Variants in B3GALT1 observed in about 807,000 individuals in gnomAD.
B3GALT1 encodes beta-1,3-galactosyltransferase 1.
A neutral mutation model predicts 23.2 loss-of-function variants in B3GALT1; 10 were observed. That is an observed-to-expected ratio of 0.43 (90% CI 0.27 to 0.73). The LOEUF is 0.73. Among genes scored for constraint, B3GALT1 ranks in the 30% least tolerant of loss-of-function variants. The probability of loss-of-function intolerance (pLI) is 0.21; values close to 1 mark genes in which losing one functional copy is unlikely to be tolerated. For synonymous variants in B3GALT1, 156 were observed against 141.5 expected (o/e 1.10, Z -0.73); for missense variants, 299 against 405.4 (o/e 0.74, Z 2.25).
In B3GALT1 at chr2:167,869,834, C is replaced by T. The variant is rs150778768; in HGVS notation, c.795C>T (p.Asp265=). 66 of 1,614,096 alleles carry T rather than the reference C, an allele frequency of 4.1e-5. No individual in the cohort carries two copies. The African/African-American group carries it at 6.1e-4, about 15-fold the overall frequency. Reference sequence around the variant, plus strand: ...ACACAAGGCTGCTTCACCTTGAAGACGTATATGTGGGACTGTGTCTTCGAA... The same window carrying T: ...ACACAAGGCTGCTTCACCTTGAAGATGTATATGTGGGACTGTGTCTTCGAA... ...SLHTRLLHLE[D]VYVGLCLRKL... The change falls in exon 5 of 5, where the codon GAC becomes GAT. Residue 265 remains aspartate, a synonymous_variant. Coordinates refer to ENST00000392690, the MANE Select transcript of B3GALT1 (RefSeq NM_020981.4). This position sits in a 1 kb window ranked among gnomAD's most constrained non-coding sequence, Gnocchi z 6.4.
intron 4 of B3GALT1, among the ~76,000 whole-genome samples, chr2:167,825,463 CGTGTGT>C (rs771779416): frequency 7.6e-6 from 1 of 132,296 alleles, no homozygotes; most frequent in African/African-American, 3.2e-5. Context: ...TGTGCGTGCA[CGTGTGT>C]GTGTGTGTTA....
At chr2:167,416,896 C>T (rs1174263100) in intron 1 of B3GALT1, among the ~76,000 whole-genome samples, 4 of 152,170 alleles carry the variant, frequency 2.6e-5, no homozygotes, top group Admixed American at 6.6e-5. Flanking sequence ...TTGCCTCCTC[C>T]TTCCTTTTGG....
intron 2 of B3GALT1, among the ~76,000 whole-genome samples, chr2:167,597,453 G>C (rs527913305): frequency 6.6e-6 from 1 of 152,226 alleles, no homozygotes; most frequent in East Asian, 1.9e-4. Flanking sequence ...TATCCTTCTA[G>C]TTCTCTAATA....
At chr2:167,449,087 T>G (rs1699048915) in intron 1 of B3GALT1, among the ~76,000 whole-genome samples, 1 of 152,194 alleles carries the variant, frequency 6.6e-6, no homozygotes, top group Non-Finnish European at 1.5e-5. Context: ...AGGGCTATTT[T>G]TTTGTTCCAT....
At chr2:167,476,218 A>G (rs1302657530) in intron 1 of B3GALT1, among the ~76,000 whole-genome samples, 2 of 152,202 alleles carry the variant, frequency 1.3e-5, no homozygotes, top group East Asian at 3.9e-4. Flanking sequence ...CACTGTCAAC[A>G]TTCATTAATT....
At chr2:167,501,979 T>C (rs1003891228) in intron 2 of B3GALT1, among the ~76,000 whole-genome samples, 1 of 152,184 alleles carries the variant, frequency 6.6e-6, no homozygotes, top group Non-Finnish European at 1.5e-5. Context: ...GTGAAATAAC[T>C]GTAAATGAAG....
intron 3 of B3GALT1, among the ~76,000 whole-genome samples, chr2:167,812,751 T>C (rs1440013862): frequency 1.3e-5 from 2 of 152,166 alleles, no homozygotes; most frequent in Non-Finnish European, 2.9e-5. Flanking sequence ...TATTTCAGTT[T>C]AAAATCAGGA....
In B3GALT1 at chr2:167,349,226, G is replaced by A. The variant is rs78937630; in HGVS notation, c.-511+55892G>A. On this transcript the variant is annotated intron_variant, in intron 1 of 4. Transcript: ENST00000392690. ...TAAATTGCACTCTGTTCTGAGTAGC[G>A]TGATGAAATTTCCCAGCTCCTCAAT... 9.9e-3 allele frequency among the ~76,000 whole-genome samples: 1,510 copies of A among 152,192 alleles called. 27 individuals are homozygous for A. The highest frequency in any genetic ancestry group is 0.034 in the African/African-American group (1,392 of 41,528).
intron 1 of B3GALT1, among the ~76,000 whole-genome samples, chr2:167,384,738 A>G (rs1697901183): frequency 6.6e-6 from 1 of 152,024 alleles, no homozygotes; most frequent in South Asian, 2.1e-4. Context: ...TATTCCTCTT[A>G]GCATCTGGCC....
At position 167,511,438 on chromosome 2, in the gene B3GALT1, G is replaced by GGAT. The variant is rs543649492; in HGVS notation, c.-410+21163_-410+21165dup. Among the ~76,000 whole-genome samples the GGAT allele has an allele frequency of 2.8e-3, 432 of 152,280 alleles. 3 individuals carry two copies. Among genetic ancestry groups the GGAT allele is most frequent in the African/African-American group, 0.01 (417 of 41,558 alleles). ...CTCTCTCCTGTCACCACGTGAAGAAGGATGTGTTTGCTTCCCTTTTCACCA... is the reference window on the plus strand; with the variant it reads ...CTCTCTCCTGTCACCACGTGAAGAAGGATGATGTGTTTGCTTCCCTTTTCACCA... On this transcript the variant is annotated intron_variant, in intron 2 of 4. Coordinates refer to ENST00000392690, the MANE Select transcript of B3GALT1 (RefSeq NM_020981.4).
At chr2:167,350,425 GT>G (rs1697292100) in intron 1 of B3GALT1, among the ~76,000 whole-genome samples, 1 of 152,144 alleles carries the variant, frequency 6.6e-6, no homozygotes, top group Admixed American at 6.5e-5. Context: ...AAGAAAAATG[GT>G]TTATATATCT....
chr2:167,820,406 A>G (rs892058919), intron 4 of B3GALT1, among the ~76,000 whole-genome samples: 2 of 152,124 alleles, frequency 1.3e-5, no homozygotes, highest in African/African-American at 2.4e-5. Flanking sequence ...ACTTGGGGCT[A>G]TGGGATGTGG....
At chr2:167,547,088 C>T (rs955031339) in intron 2 of B3GALT1, among the ~76,000 whole-genome samples, 3 of 152,146 alleles carry the variant, frequency 2.0e-5, no homozygotes, top group African/African-American at 7.2e-5. Flanking sequence ...TGGCTCAGTC[C>T]CACCACAGCA....
At chr2:167,815,506 A>C (rs1010015432) in intron 3 of B3GALT1, among the ~76,000 whole-genome samples, 4 of 152,218 alleles carry the variant, frequency 2.6e-5, no homozygotes, top group African/African-American at 9.6e-5. Context: ...GACATTAGAG[A>C]TCCACAGTAC....
intron 2 of B3GALT1, among the ~76,000 whole-genome samples, chr2:167,576,744 G>A (rs1684395869): frequency 1.3e-5 from 2 of 151,534 alleles, no homozygotes; most frequent in Non-Finnish European, 3.0e-5. Flanking sequence ...TTCTAAAGGT[G>A]TGTGGTCTCC....
intron 1 of B3GALT1, among the ~76,000 whole-genome samples, chr2:167,392,654 G>C (rs115720051): frequency 6.6e-6 from 1 of 152,040 alleles, no homozygotes; most frequent in Non-Finnish European, 1.5e-5. Context: ...AAGATTACTT[G>C]TCTAATAAAT....
chr2:167,568,767 C>A lies in B3GALT1; in HGVS notation c.-409-78142C>A, dbSNP rs1334979056. Among the ~76,000 whole-genome samples, 3 of 151,578 alleles carry A rather than the reference C, an allele frequency of 2.0e-5. No homozygotes were observed. In the East Asian group the frequency reaches 5.8e-4, roughly 29 times the overall value. ...TCAGTATTTCTTTCATGAATCATGTCTTTGATTTTTTTTTTATCTAAAGAG... is the reference window on the plus strand; with the variant it reads ...TCAGTATTTCTTTCATGAATCATGTATTTGATTTTTTTTTTATCTAAAGAG... On this transcript the variant is annotated intron_variant, in intron 2 of 4. Transcript: ENST00000392690.
intron 3 of B3GALT1, among the ~76,000 whole-genome samples, chr2:167,719,579 T>C (rs151295571): frequency 6.1e-4 from 93 of 152,342 alleles, no homozygotes; most frequent in Non-Finnish European, 1.6e-4. Context: ...ATACAACTGC[T>C]TTGTTTGAGA....
At chr2:167,436,435 T>C (rs1322448422) in intron 1 of B3GALT1, among the ~76,000 whole-genome samples, 1 of 152,112 alleles carries the variant, frequency 6.6e-6, no homozygotes, top group African/African-American at 2.4e-5. Flanking sequence ...TATTAAGGGG[T>C]CCTTCCTTAG....
Sources: allele counts gnomAD v4.1 joint callset (sites outside exome capture counted in the v4.1 genomes callset), GRCh38; gene constraint gnomAD v4.1.1; non-coding constraint Gnocchi (gnomAD v3.1); transcripts MANE v1.5; gene names NCBI Gene and HGNC (gene_info 2026-07-23, HGNC 2026-07-21).